PXMP2: variants seen among roughly 807,000 people sequenced by gnomAD.
PXMP2 encodes the protein 22 kDa peroxisomal membrane protein.
In PXMP2, 13 loss-of-function variants were observed where a neutral mutation model predicts 20.2. The observed-to-expected ratio is 0.64, with a 90% confidence interval of 0.42 to 1.02. The LOEUF (loss-of-function observed/expected upper bound fraction) is 1.02, where lower values mean the gene tolerates loss of function less well. PXMP2 is among the 50% of genes least tolerant of loss of function. The probability of loss-of-function intolerance (pLI) is 0.00; values close to 1 mark genes in which losing one functional copy is unlikely to be tolerated. For synonymous variants in PXMP2, 113 were observed against 111.2 expected (o/e 1.02, Z -0.10); for missense variants, 284 against 251.8 (o/e 1.13, Z -0.87).
rs1416298668 is a variant in PXMP2, at chr12:132,696,489, T to G, written c.399+443T>G. ...TACTACTTGGACCTGCCATTAGAGGTCTTGTCACTGTGTAAAGAAAGAAAC... is the reference window on the plus strand; with the variant it reads ...TACTACTTGGACCTGCCATTAGAGGGCTTGTCACTGTGTAAAGAAAGAAAC... On this transcript the variant is annotated intron_variant, in intron 3 of 4. Coordinates refer to ENST00000317479, the MANE Select transcript of PXMP2 (RefSeq NM_018663.3). This position sits in a 1 kb window ranked among gnomAD's most constrained non-coding sequence, Gnocchi z 4.4. 6.6e-6 allele frequency among the ~76,000 whole-genome samples: 1 copy of G among 152,056 alleles called. No individual in the cohort carries two copies. Among genetic ancestry groups the G allele is most frequent in the Non-Finnish European group, 1.5e-5 (1 of 68,020 alleles).
In PXMP2 at chr12:132,687,623, A is replaced by T. The variant is rs1045407400; in HGVS notation, c.-48A>T. On this transcript the variant is annotated 5_prime_UTR_variant, in exon 1 of 5. Transcript: ENST00000317479. Reference sequence around the variant, plus strand: ...GGCGCCTCGGGCTCCGCGCCCGGCCAGCCTGAGGTGGGGTCGGTGCCCCCG... The same window carrying T: ...GGCGCCTCGGGCTCCGCGCCCGGCCTGCCTGAGGTGGGGTCGGTGCCCCCG... 1.2e-5 allele frequency: 14 copies of T among 1,159,470 alleles called. No individual in the cohort carries two copies. Among genetic ancestry groups the T allele is most frequent in the Middle Eastern group, 7.0e-4 (2 of 2,856 alleles). The allele number at this position is 1,159,470 out of a possible 1,614,324, so 71.8% of individuals were successfully genotyped here. A position where few individuals can be genotyped will look rare whatever the true frequency, so the allele number is the denominator to read the frequency against.
intron 2 of PXMP2, among the ~76,000 whole-genome samples, chr12:132,695,431 G>A (rs1422679584): frequency 1.3e-5 from 2 of 152,196 alleles, no homozygotes; most frequent in Non-Finnish European, 2.9e-5. Context: ...AGTGCTTCTC[G>A]AAGCCTGGCC....
At chr12:132,689,916 G>T (rs1273488620) in intron 1 of PXMP2, among the ~76,000 whole-genome samples, 4 of 152,254 alleles carry the variant, frequency 2.6e-5, no homozygotes, top group African/African-American at 9.6e-5. Flanking sequence ...GTACATTCTT[G>T]TGTTCACTAC....
intron 3 of PXMP2, among the ~76,000 whole-genome samples, chr12:132,697,174 G>A (rs7971439): frequency 0.85 from 128,699 of 151,604 alleles, 55,012 homozygotes; most frequent in African/African-American, 0.95. Flanking sequence ...AGTTCCAGCT[G>A]TTTGGGAGGC....
At chr12:132,689,569 A>C (rs1484440765) in intron 1 of PXMP2, among the ~76,000 whole-genome samples, 2 of 152,182 alleles carry the variant, frequency 1.3e-5, no homozygotes, top group Admixed American at 6.5e-5. Flanking sequence ...CAGGGATCTG[A>C]TCGAGAAGGT....
intron 2 of PXMP2, among the ~76,000 whole-genome samples, chr12:132,690,636 C>T (rs966658085): frequency 2.0e-5 from 3 of 152,128 alleles, no homozygotes; most frequent in African/African-American, 7.2e-5. Context: ...ACCTCTGCCT[C>T]TCTGGTTCAA....
At chr12:132,693,744 G>A (rs1171594793) in intron 2 of PXMP2, among the ~76,000 whole-genome samples, 2 of 134,258 alleles carry the variant, frequency 1.5e-5, no homozygotes, top group Non-Finnish European at 1.6e-5. Flanking sequence ...CAGTTAGTTA[G>A]TGAGCTCCCT....
At chr12:132,704,521 C>G in intron 4 of PXMP2, 98 bp from the exon 5 acceptor site, 1 of 990,266 alleles carries the variant, frequency 1.0e-6, no homozygotes, top group Non-Finnish European at 1.4e-6. Context: ...GACCAGCTGA[C>G]CAACAAACGG....
intron 4 of PXMP2, among the ~76,000 whole-genome samples, chr12:132,704,147 G>C (rs1347614211): frequency 1.3e-5 from 2 of 152,182 alleles, no homozygotes; most frequent in Non-Finnish European, 2.9e-5. Flanking sequence ...CTCAGCACTG[G>C]GCCAGAGGAT....
At chr12:132,690,430 C>T (rs1179319555) in intron 2 of PXMP2, 54 bp downstream of exon 2, 2 of 1,381,278 alleles carry the variant, frequency 1.4e-6, no homozygotes, top group Non-Finnish European at 2.0e-6. Context: ...TGCAACCAAG[C>T]TGGGCACCAA....
intron 3 of PXMP2, among the ~76,000 whole-genome samples, chr12:132,698,530 A>G (rs546548898): frequency 6.6e-6 from 1 of 152,146 alleles, no homozygotes; most frequent in Non-Finnish European, 1.5e-5. Flanking sequence ...TTACATAGCA[A>G]ATTTTCTCAT....
At chr12:132,688,372 G>A (rs1281856696) in intron 1 of PXMP2, among the ~76,000 whole-genome samples, 1 of 68,064 alleles carries the variant, frequency 1.5e-5, no homozygotes, top group African/African-American at 5.1e-5. Context: ...TGGAGACAGG[G>A]CCAAGGGAGC....
chr12:132,696,148 C>T lies in PXMP2; in HGVS notation c.399+102C>T. ...TCAGAGGGTCTGCAGATTTTTCACT[C>T]AAATTGAAATTTTGCATTTTCTTTT... On this transcript the variant is annotated intron_variant, in intron 3 of 4. Coordinates refer to ENST00000317479, the MANE Select transcript of PXMP2 (RefSeq NM_018663.3). The surrounding 1 kb of genome is among the most constrained non-coding windows in gnomAD (Gnocchi z 4.4). The T allele has an allele frequency of 7.4e-7, 1 of 1,349,596 alleles. No individual in the cohort carries two copies. The highest frequency in any genetic ancestry group is 9.9e-7 in the Non-Finnish European group (1 of 1,008,532). 83.6% of individuals were successfully genotyped at this position (1,349,596 alleles called of 1,614,324 possible).
chr12:132,695,736 AGCC>A, intron 2 of PXMP2, 145 bp from the exon 3 acceptor site: 1 of 676,976 alleles, frequency 1.5e-6, no homozygotes, highest in Non-Finnish European at 2.2e-6. Context: ...GCGCCCCTGA[AGCC>A]GACTTATCTG....
intron 3 of PXMP2, among the ~76,000 whole-genome samples, chr12:132,698,263 GTC>G (rs750924452): frequency 6.6e-6 from 1 of 152,154 alleles, no homozygotes; most frequent in African/African-American, 2.4e-5. Flanking sequence ...ACCCGCCTCG[GTC>G]TCTCAAAGTG....
chr12:132,697,065 A>G (rs1464902762), intron 3 of PXMP2, among the ~76,000 whole-genome samples: 1 of 152,130 alleles, frequency 6.6e-6, no homozygotes, highest in East Asian at 1.9e-4. Flanking sequence ...AGGCCAGTGG[A>G]TAGCTTGAGG....
rs538825054 is a variant in PXMP2, at chr12:132,695,609, C to T, written c.237-275C>T. ...GCACAGGCGTGCACACGTGCTGGGA[C>T]GACCTGGAAGCTGACAGTGTGAGGA... On this transcript the variant is annotated intron_variant, in intron 2 of 4. Transcript: ENST00000317479. Among the ~76,000 whole-genome samples, 67 of 152,318 alleles carry T rather than the reference C, an allele frequency of 4.4e-4. 1 individual carries two copies. The highest frequency in any genetic ancestry group is 7.5e-4 in the Non-Finnish European group (51 of 68,026).
At chr12:132,688,178 C>G in intron 1 of PXMP2, 2 of 162,274 alleles carry the variant, frequency 1.2e-5, no homozygotes, top group South Asian at 8.5e-5. Context: ...GAAGACAGGG[C>G]GAGGGGAGCG....
At chr12:132,702,445 CACT>C in intron 4 of PXMP2, 1 of 381,282 alleles carries the variant, frequency 2.6e-6, no homozygotes, top group South Asian at 1.9e-5. Flanking sequence ...TCCCCAGGAC[CACT>C]CCCACACTGG....
Sources: allele counts gnomAD v4.1 joint callset (sites outside exome capture counted in the v4.1 genomes callset), GRCh38; gene constraint gnomAD v4.1.1; non-coding constraint Gnocchi (gnomAD v3.1); transcripts MANE v1.5; gene names NCBI Gene and HGNC (gene_info 2026-07-23, HGNC 2026-07-21).